JAK2: variants seen among roughly 807,000 people sequenced by gnomAD.
The protein encoded by JAK2 is Janus kinase 2.
Under a neutral mutation model 139.3 loss-of-function variants are expected in JAK2, and 86 were observed. That is an observed-to-expected ratio of 0.62 (90% CI 0.52 to 0.74). The LOEUF (loss-of-function observed/expected upper bound fraction) is 0.74, where lower values mean the gene tolerates loss of function less well. JAK2 is among the 30% of genes least tolerant of loss of function. The pLI is 0.00. For synonymous variants in JAK2, 490 were observed against 437.7 expected (o/e 1.12, Z -1.49); for missense variants, 1,421 against 1,360.3 (o/e 1.04, Z -0.70).
At chr9:5,018,314 T>C (rs776979803) in intron 2 of JAK2, among the ~76,000 whole-genome samples, 3 of 152,100 alleles carry the variant, frequency 2.0e-5, no homozygotes, top group Non-Finnish European at 2.9e-5. Context: ...ATGGTAGTAA[T>C]TGTCCTTTTT....
At chr9:5,065,149 GT>G (rs903436991) in intron 9 of JAK2, 109 bp downstream of exon 9, 25 of 642,718 alleles carry the variant, frequency 3.9e-5, no homozygotes, top group African/African-American at 1.5e-4. Context: ...AATTTGACAA[GT>G]TTTTTTTAAA....
intron 8 of JAK2, among the ~76,000 whole-genome samples, chr9:5,064,125 C>T (rs1257625645): frequency 6.6e-6 from 1 of 152,096 alleles, no homozygotes; most frequent in Non-Finnish European, 1.5e-5. Context: ...CATTGCACTC[C>T]AGCCTGGGCG....
chr9:5,122,000 AG>A (rs1348654522), intron 22 of JAK2, among the ~76,000 whole-genome samples: 2 of 152,184 alleles, frequency 1.3e-5, no homozygotes, highest in African/African-American at 4.8e-5. Context: ...AAATTTGTAA[AG>A]ACTAAATGTA....
intron 9 of JAK2, among the ~76,000 whole-genome samples, chr9:5,066,179 A>G (rs1818555427): frequency 6.6e-6 from 1 of 152,132 alleles, no homozygotes; most frequent in South Asian, 2.1e-4. Flanking sequence ...GCTTCAGAAA[A>G]CATAAAAAAT....
At chr9:5,059,974 G>A (rs554457641) in intron 8 of JAK2, among the ~76,000 whole-genome samples, 6 of 152,028 alleles carry the variant, frequency 3.9e-5, no homozygotes, top group Admixed American at 6.6e-5. Flanking sequence ...ATAGACATAC[G>A]TCAGAGATAT....
At chr9:5,065,323 C>A (rs1253307522) in intron 9 of JAK2, among the ~76,000 whole-genome samples, 2 of 152,132 alleles carry the variant, frequency 1.3e-5, no homozygotes, top group African/African-American at 4.8e-5. Context: ...AAAGAAAGAT[C>A]TCCAATTTAT....
At chr9:5,078,202 T>C (rs951601203) in intron 15 of JAK2, 104 bp from the exon 16 acceptor site, 3 of 878,476 alleles carry the variant, frequency 3.4e-6, no homozygotes, top group Admixed American at 2.6e-5. Context: ...TATTATACTA[T>C]CATGTATTTT....
intron 23 of JAK2, among the ~76,000 whole-genome samples, chr9:5,123,336 T>TTA (rs900606617): frequency 1.2e-4 from 18 of 152,092 alleles, no homozygotes; most frequent in African/African-American, 4.1e-4. Context: ...AAGTCTCTAT[T>TTA]GTCTATCATT....
chr9:5,112,627 C>A, intron 22 of JAK2: 1 of 984,256 alleles, frequency 1.0e-6, no homozygotes, highest in Non-Finnish European at 1.5e-6. Context: ...AACTGCACCT[C>A]AACAGCGAGA....
At chr9:5,113,646 G>C (rs142997918) in intron 22 of JAK2, 1 of 162,266 alleles carries the variant, frequency 6.2e-6, no homozygotes. Context: ...CTGGCCACAG[G>C]CTACTTCCTG....
chr9:5,009,775 ATT>A lies in JAK2; in HGVS notation c.-25-12177_-25-12176del, dbSNP rs752248281. On this transcript the variant is annotated intron_variant, in intron 2 of 24. Coordinates refer to ENST00000381652, the MANE Select transcript of JAK2 (RefSeq NM_004972.4). The stretch of plus-strand genomic sequence containing the variant: ...TGTGTATTTTTTTTCTTCAGTTAAA[ATT>A]TTTTTTTTTTGCAGTCACAGTCTTG... Among the ~76,000 whole-genome samples, 106 of 146,356 alleles carry A rather than the reference ATT, an allele frequency of 7.2e-4. 1 individual carries two copies. The highest frequency in any genetic ancestry group is 1.5e-3 in the Admixed American group (22 of 14,602).
intron 4 of JAK2, among the ~76,000 whole-genome samples, chr9:5,039,425 T>C (rs1213515467): frequency 6.6e-6 from 1 of 152,152 alleles, no homozygotes; most frequent in Non-Finnish European, 1.5e-5. Context: ...TAAAGTATAC[T>C]GAAGGATGTG....
At chr9:5,066,583 G>A in intron 9 of JAK2, 95 bp from the exon 10 acceptor site, 1 of 728,628 alleles carries the variant, frequency 1.4e-6, no homozygotes, top group Non-Finnish European at 2.4e-6. Context: ...AATTCTGACA[G>A]TTTTAGATTT....
At chr9:5,080,190 T>A in intron 16 of JAK2, 39 bp from the exon 17 acceptor site, 1 of 1,464,486 alleles carries the variant, frequency 6.8e-7, no homozygotes, top group Non-Finnish European at 9.3e-7. Context: ...GGTTTACTTG[T>A]GAATTATTTA....
At position 5,050,719 on chromosome 9, in the gene JAK2, G is replaced by C; in HGVS notation, c.502G>C (p.Val168Leu). 6.2e-7 allele frequency: 1 copy of C among 1,613,768 alleles called. No homozygotes were observed. Among genetic ancestry groups the C allele is most frequent in the Non-Finnish European group, 8.5e-7 (1 of 1,179,746 alleles). ...RHDFVHGWIK[V>L]PVTHETQEEC... ...TGATTTTGTGCACGGATGGATAAAA[G>C]TACCTGTGACTCATGAAACACAGGA... is the stretch of plus-strand genomic sequence containing the variant. Residue 168 changes from valine to leucine, a missense_variant, in exon 6 of 25, where the codon GTA becomes CTA. By Grantham distance (32) the Val-to-Leu change is conservative (BLOSUM62 1). Coordinates refer to ENST00000381652, the MANE Select transcript of JAK2 (RefSeq NM_004972.4).
At chr9:5,109,929 G>C (rs575267486) in intron 22 of JAK2, 1 of 152,202 alleles carries the variant, frequency 6.6e-6, no homozygotes, top group South Asian at 2.1e-4. Context: ...CTTACTAACT[G>C]GCTGACAATA....
At chr9:5,106,880 C>T (rs1475357301) in intron 22 of JAK2, among the ~76,000 whole-genome samples, 1 of 151,974 alleles carries the variant, frequency 6.6e-6, no homozygotes, top group South Asian at 2.1e-4. Flanking sequence ...CAGGGAACAT[C>T]ACACAAAGGG....
chr9:5,103,318 C>CA (rs201665412), intron 22 of JAK2, among the ~76,000 whole-genome samples: 1,511 of 111,094 alleles, frequency 0.014, 8 homozygotes, highest in Admixed American at 0.02. Context: ...TCAAAAGAGA[C>CA]AAAAAAGGCC....
At chr9:5,089,388 A>G (rs573610151) in intron 19 of JAK2, among the ~76,000 whole-genome samples, 4 of 152,218 alleles carry the variant, frequency 2.6e-5, no homozygotes, top group African/African-American at 9.6e-5. Context: ...TATACAAAAA[A>G]TTAGCTGGGC....
Sources: allele counts gnomAD v4.1 joint callset (sites outside exome capture counted in the v4.1 genomes callset), GRCh38; gene constraint gnomAD v4.1.1; transcripts MANE v1.5; gene names NCBI Gene and HGNC (gene_info 2026-07-23, HGNC 2026-07-21).